Variants in MTA3 observed in about 807,000 individuals in gnomAD.
MTA3 encodes metastasis-associated protein MTA3.
MTA3 carries 34 observed loss-of-function variants against 83.5 expected under a neutral mutation model. The observed-to-expected ratio is 0.41, with a 90% CI of 0.31 to 0.54. The LOEUF (loss-of-function observed/expected upper bound fraction) is 0.54. Among genes scored for constraint, MTA3 ranks in the 20% least tolerant of loss-of-function variants. The pLI is 0.33. For missense variants in MTA3, 761 were observed against 726.4 expected (o/e 1.05, Z -0.55); for synonymous variants, 303 against 252.7 (o/e 1.20, Z -1.89).
At position 42,661,907 on chromosome 2, in the gene MTA3, T is replaced by C. The variant is rs552650898; in HGVS notation, c.702+2045T>C. Reference sequence around the variant, plus strand: ...TGTTGAAGTCTCTAATATTCCCTTCTGAGTCCTACTTCCCTTTACCTCTGC... The same window carrying C: ...TGTTGAAGTCTCTAATATTCCCTTCCGAGTCCTACTTCCCTTTACCTCTGC... On this transcript the variant is annotated intron_variant, in intron 8 of 16. Coordinates refer to ENST00000405094, the MANE Select transcript of MTA3 (RefSeq NM_001330442.2). Among the ~76,000 whole-genome samples the C allele has an allele frequency of 1.7e-4, 26 of 152,340 alleles. No individual in the cohort carries two copies. In the East Asian group the frequency reaches 1.9e-3, roughly 11 times the overall value.
chr2:42,712,244 C>A (rs1180928508), intron 14 of MTA3, among the ~76,000 whole-genome samples: 5 of 151,998 alleles, frequency 3.3e-5, no homozygotes, highest in Admixed American at 6.6e-5. Context: ...GGTAAGGGAA[C>A]CTGGGAGGGT....
chr2:42,633,063 GAC>G (rs1336697784), intron 4 of MTA3, among the ~76,000 whole-genome samples: 1 of 151,802 alleles, frequency 6.6e-6, no homozygotes, highest in Non-Finnish European at 1.5e-5. Flanking sequence ...AAGAGCTCGA[GAC>G]CATCCTGGCC....
rs540197518 is a variant in MTA3 at position 42,727,221 on chromosome 2, G to A, written c.1759+4186G>A. The stretch of plus-strand genomic sequence containing the variant: ...TCTTAAAAAGAAAGAAAGAAAGAAA[G>A]AAATCTGCATACGCAAGAAGCCTCA... On this transcript the variant is annotated intron_variant, in intron 16 of 16. Transcript: ENST00000405094. Among the ~76,000 whole-genome samples the A allele has an allele frequency of 1.2e-4, 19 of 152,218 alleles. No individual in the cohort carries two copies. In the South Asian group the frequency reaches 3.5e-3, roughly 28 times the overall value.
chr2:42,647,167 A>ACAAAAAAAAAAAAACAAAAAAAAAAAAC lies in MTA3; in HGVS notation c.499+2930_499+2931insAAAAAAACAAAAAAAAAAAACCAAAAAA, dbSNP rs1360967605. 2.4e-3 allele frequency among the ~76,000 whole-genome samples: 364 copies of ACAAAAAAAAAAAAACAAAAAAAAAAAAC among 150,314 alleles called. 5 individuals are homozygous for ACAAAAAAAAAAAAACAAAAAAAAAAAAC. The highest frequency in any genetic ancestry group is 8.5e-3 in the African/African-American group (345 of 40,652). On this transcript the variant is annotated intron_variant, in intron 6 of 16. Coordinates refer to ENST00000405094, the MANE Select transcript of MTA3 (RefSeq NM_001330442.2). ...GTGAGACTCTGTCTAAAAAAAAAAA[A>ACAAAAAAAAAAAAACAAAAAAAAAAAAC]CAAAAAAGAAAGGAAGTCTACCATA... is the stretch of plus-strand genomic sequence containing the variant.
chr2:42,669,798 C>G (rs540085089), intron 8 of MTA3, among the ~76,000 whole-genome samples: 5 of 152,164 alleles, frequency 3.3e-5, no homozygotes, highest in African/African-American at 1.2e-4. Context: ...GTAAATACAG[C>G]CTTTTACTTT....
At chr2:42,747,535 ACT>A (rs1473440275) in intron 16 of MTA3, among the ~76,000 whole-genome samples, 4 of 151,498 alleles carry the variant, frequency 2.6e-5, no homozygotes, top group Non-Finnish European at 5.9e-5. Context: ...AAGGAGAGAG[ACT>A]CTGTTTTCTG....
chr2:42,746,951 T>C (rs1373355871), intron 16 of MTA3, among the ~76,000 whole-genome samples: 1 of 151,884 alleles, frequency 6.6e-6, no homozygotes, highest in African/African-American at 2.4e-5. Context: ...TGATCTAATA[T>C]GAATAGACTG....
At chr2:42,577,245 C>T (rs1347930526) in intron 2 of MTA3, among the ~76,000 whole-genome samples, 1 of 151,066 alleles carries the variant, frequency 6.6e-6, no homozygotes, top group Non-Finnish European at 1.5e-5. Flanking sequence ...CATGAGTAAC[C>T]ATGCTTCAGA....
intron 2 of MTA3, among the ~76,000 whole-genome samples, chr2:42,534,460 G>A (rs1290727727): frequency 6.6e-6 from 1 of 152,078 alleles, no homozygotes; most frequent in Non-Finnish European, 1.5e-5. Flanking sequence ...AGCCAGGAGT[G>A]GTGGTGAGCA....
At chr2:42,612,551 ATTAATT>A (rs1167976704) in intron 4 of MTA3, among the ~76,000 whole-genome samples, 7 of 152,060 alleles carry the variant, frequency 4.6e-5, no homozygotes, top group African/African-American at 1.7e-4. Flanking sequence ...GAATATAAAG[ATTAATT>A]TTAAGTTTAA....
chr2:42,609,079 TG>T (rs1244847017), intron 3 of MTA3, among the ~76,000 whole-genome samples: 1 of 149,064 alleles, frequency 6.7e-6, no homozygotes, highest in Non-Finnish European at 1.5e-5. Flanking sequence ...TCACTCAGGC[TG>T]GTGTGAAGTG....
chr2:42,695,739 G>C lies in MTA3; in HGVS notation c.892-26G>C, dbSNP rs576878695. The stretch of plus-strand genomic sequence containing the variant: ...CATTTTATTATATGTTAACATAGAT[G>C]ATAGGTTGATTTTTTTTTTTTTCAG... On this transcript the variant is annotated intron_variant, in intron 9 of 16. Transcript: ENST00000405094. 21 of 1,360,358 alleles carry C rather than the reference G, an allele frequency of 1.5e-5. No individual in the cohort carries two copies. The East Asian group carries it at 3.0e-4, about 19-fold the overall frequency. The allele number at this position is 1,360,358 out of a possible 1,614,324, so 84.3% of individuals were successfully genotyped here. A position where few individuals can be genotyped will look rare whatever the true frequency, so the allele number is the denominator to read the frequency against.
chr2:42,578,429 G>C (rs1679279516), intron 2 of MTA3, among the ~76,000 whole-genome samples: 1 of 152,194 alleles, frequency 6.6e-6, no homozygotes, highest in African/African-American at 2.4e-5. Context: ...AAAAAGAAAT[G>C]AGAGTTTCAG....
At chr2:42,717,428 G>A (rs1358806263) in intron 14 of MTA3, among the ~76,000 whole-genome samples, 1 of 152,172 alleles carries the variant, frequency 6.6e-6, no homozygotes, top group Non-Finnish European at 1.5e-5. Context: ...TAATATTTAT[G>A]ACAGTATTAA....
chr2:42,724,337 T>G (rs960755187), intron 16 of MTA3, among the ~76,000 whole-genome samples: 10 of 85,880 alleles, frequency 1.2e-4, no homozygotes, highest in Admixed American at 5.7e-4. Flanking sequence ...CACACGTATA[T>G]ATTCTTTTCG....
At chr2:42,724,390 T>G (rs1667668566) in intron 16 of MTA3, among the ~76,000 whole-genome samples, 1 of 149,772 alleles carries the variant, frequency 6.7e-6, no homozygotes, top group African/African-American at 2.5e-5. Flanking sequence ...TGGCTTATGC[T>G]TGTAATCCCA....
At chr2:42,678,113 G>A (rs2104426201) in intron 8 of MTA3, among the ~76,000 whole-genome samples, 1 of 151,952 alleles carries the variant, frequency 6.6e-6, no homozygotes, top group South Asian at 2.1e-4. Context: ...CAGAGCAAAA[G>A]CTGAAGAACC....
At chr2:42,630,007 C>T (rs1165061253) in intron 4 of MTA3, among the ~76,000 whole-genome samples, 1 of 151,978 alleles carries the variant, frequency 6.6e-6, no homozygotes, top group Admixed American at 6.6e-5. Flanking sequence ...GTCTCCTGAC[C>T]TCAAGTGATC....
At chr2:42,605,735 T>C (rs1269210769) in intron 3 of MTA3, among the ~76,000 whole-genome samples, 229 of 57,752 alleles carry the variant, frequency 4.0e-3, no homozygotes, top group African/African-American at 0.013. Context: ...ACCTCCCTCC[T>C]GGATGGGGCG....
Sources: gnomAD v4.1 joint callset for allele counts (sites outside exome capture counted in the v4.1 genomes callset) on GRCh38, gnomAD v4.1.1 for gene constraint, MANE v1.5 for transcripts, NCBI Gene and HGNC (gene_info 2026-07-23, HGNC 2026-07-21) for gene names.